Variants in PPM1K observed in about 807,000 individuals in gnomAD.
The protein encoded by PPM1K is protein phosphatase, Mg2+/Mn2+ dependent 1K.
PPM1K carries 19 observed loss-of-function variants against 32.6 expected under a neutral mutation model. The ratio of observed to expected loss-of-function variants is 0.58; its 90% CI spans 0.41 to 0.86. The LOEUF is 0.86. PPM1K is among the 40% of genes least tolerant of loss of function. PPM1K has a pLI of 0.00. For synonymous variants in PPM1K, 159 were observed against 165.3 expected, an observed-to-expected ratio of 0.96 and a Z score of 0.29; for missense variants, 362 against 461.2, an observed-to-expected ratio of 0.78 and a Z score of 1.97.
intron 3 of PPM1K, chr4:88,276,841 G>A: frequency 2.0e-6 from 2 of 1,021,030 alleles, no homozygotes; most frequent in Non-Finnish European, 2.4e-6. Flanking sequence ...CATAAAATAA[G>A]CAAACAGATT....
chr4:88,279,625 G>A (rs1052557323), intron 1 of PPM1K: 1 of 152,184 alleles, frequency 6.6e-6, no homozygotes, highest in African/African-American at 2.4e-5. Flanking sequence ...ACTCCACCCT[G>A]AAACTCAATC....
chr4:88,278,689 G>T lies in PPM1K; in HGVS notation c.-59-47C>A. ...TCACAGGGGACAGAGGGAGAGAGGG[G>T]CAGAGGAGGAGAGGGAGAGAGACAG... On this transcript the variant is annotated intron_variant, in intron 1 of 6. Transcript: ENST00000608933. The surrounding 1 kb of genome is among the most constrained non-coding windows in gnomAD (Gnocchi z 4.2). 1.1e-6 allele frequency: 1 copy of T among 870,216 alleles called. No homozygotes were observed. 53.9% of individuals were successfully genotyped at this position (870,216 alleles called of 1,614,324 possible). A position where few individuals can be genotyped will look rare whatever the true frequency, so the allele number is the denominator to read the frequency against.
chr4:88,264,719 T>A (rs928552823), intron 6 of PPM1K, among the ~76,000 whole-genome samples: 1 of 152,354 alleles, frequency 6.6e-6, no homozygotes, highest in Admixed American at 6.5e-5. Context: ...AGCTAATACA[T>A]ATGAATATTG....
In PPM1K at chr4:88,277,686, C is replaced by T. The variant is rs560629474; in HGVS notation, c.441-443G>A. 1.1e-4 allele frequency: 21 copies of T among 194,692 alleles called. No homozygotes were observed. The South Asian group carries it at 1.4e-3, about 13-fold the overall frequency. The allele number at this position is 194,692 out of a possible 1,614,324, so 12.1% of individuals were successfully genotyped here. ...ATTAATACTAGTTGAAGTAAATAAA[C>T]GGAAGAGCTCCAAAATGCCTGCATT... On this transcript the variant is annotated intron_variant, in intron 2 of 6. Transcript: ENST00000608933.
At chr4:88,263,357 G>C (rs1398119962) in intron 6 of PPM1K, among the ~76,000 whole-genome samples, 5 of 152,218 alleles carry the variant, frequency 3.3e-5, no homozygotes, top group African/African-American at 1.2e-4. Flanking sequence ...GAACATGCTA[G>C]TGTAAATTGG....
At chr4:88,274,689 G>T (rs1329525182) in intron 3 of PPM1K, among the ~76,000 whole-genome samples, 1 of 152,080 alleles carries the variant, frequency 6.6e-6, no homozygotes, top group Non-Finnish European at 1.5e-5. Flanking sequence ...AAAAACTAAA[G>T]TTTTAAACTT....
chr4:88,267,119 G>A (rs1731356703), intron 5 of PPM1K, among the ~76,000 whole-genome samples: 1 of 149,780 alleles, frequency 6.7e-6, no homozygotes, highest in African/African-American at 2.5e-5. Context: ...TGCAGGTGAT[G>A]CTGGCTGATT....
Position 88,275,976 on chromosome 4 carries a change from T to C in PPM1K, c.541+1167A>G, listed in dbSNP as rs191364462. 1.2e-3 allele frequency: 1,189 copies of C among 985,324 alleles called. 2 individuals are homozygous for C. The highest frequency in any genetic ancestry group is 1.2e-3 in the Non-Finnish European group (958 of 829,906). 61.0% of individuals were successfully genotyped at this position (985,324 alleles called of 1,614,324 possible). A position where few individuals can be genotyped will look rare whatever the true frequency, so the allele number is the denominator to read the frequency against. ...TAAATGATCTACAAACTGGAAAACA[T>C]ATCCCTGAAGAGAGTGGACTGTAAT... On this transcript the variant is annotated intron_variant, in intron 3 of 6. Transcript: ENST00000608933.
At chr4:88,276,210 C>T in intron 3 of PPM1K, 3 of 985,458 alleles carry the variant, frequency 3.0e-6, no homozygotes, top group Non-Finnish European at 3.6e-6. Flanking sequence ...TGCAAACAAT[C>T]TCTATCCTTA....
At chr4:88,271,041 A>T in intron 3 of PPM1K, 1 of 517,074 alleles carries the variant, frequency 1.9e-6, no homozygotes, top group South Asian at 1.4e-5. Context: ...AATGGGACAA[A>T]GAGATGTGGG....
At chr4:88,264,707 T>C (rs1578311271) in intron 6 of PPM1K, among the ~76,000 whole-genome samples, 1 of 152,238 alleles carries the variant, frequency 6.6e-6, no homozygotes, top group African/African-American at 2.4e-5. Flanking sequence ...CATACAGTAA[T>C]GAGCTAATAC....
chr4:88,261,395 A>G lies in PPM1K; in HGVS notation c.*1200T>C, dbSNP rs1482037337. Reference sequence around the variant, plus strand: ...CAAATTATTCAATTGCTTACTCTATACAAAAAGTGATATACACATACTATA... The same window carrying G: ...CAAATTATTCAATTGCTTACTCTATGCAAAAAGTGATATACACATACTATA... On this transcript the variant is annotated 3_prime_UTR_variant, in exon 7 of 7. Transcript: ENST00000608933. 6.6e-6 allele frequency: 1 copy of G among 152,230 alleles called. No homozygotes were observed. The highest frequency in any genetic ancestry group is 6.5e-5 in the Admixed American group (1 of 15,278). The allele number at this position is 152,230 out of a possible 1,614,324, so 9.4% of individuals were successfully genotyped here. A position where few individuals can be genotyped will look rare whatever the true frequency, so the allele number is the denominator to read the frequency against.
In PPM1K at chr4:88,261,755, G is replaced by C. The variant is rs1360779559; in HGVS notation, c.*840C>G. Reference sequence around the variant, plus strand: ...CTTGCTGCCCAGGCTGGAGTGCAATGGCATGATCTCAGCTCACTGCAACCC... The same window carrying C: ...CTTGCTGCCCAGGCTGGAGTGCAATCGCATGATCTCAGCTCACTGCAACCC... On this transcript the variant is annotated 3_prime_UTR_variant, in exon 7 of 7. Coordinates refer to ENST00000608933, the MANE Select transcript of PPM1K (RefSeq NM_152542.5). 1.4e-5 allele frequency: 2 copies of C among 145,706 alleles called. No homozygotes were observed. Among genetic ancestry groups the C allele is most frequent in the East Asian group, 4.0e-4 (2 of 5,058 alleles). 9.0% of individuals were successfully genotyped at this position (145,706 alleles called of 1,614,324 possible). A position where few individuals can be genotyped will look rare whatever the true frequency, so the allele number is the denominator to read the frequency against.
In PPM1K at chr4:88,258,175, G is replaced by A. The variant is rs1451226705; in HGVS notation, c.*4420C>T. On this transcript the variant is annotated 3_prime_UTR_variant, in exon 7 of 7. Coordinates refer to ENST00000608933, the MANE Select transcript of PPM1K (RefSeq NM_152542.5). ...ACAGACATGGGTATATGAGAACCAT[G>A]GAGGTGCTAAAGAAAAATAGAAGCA... The A allele has an allele frequency of 6.6e-6, 1 of 152,082 alleles. No individual in the cohort carries two copies. The highest frequency in any genetic ancestry group is 1.5e-5 in the Non-Finnish European group (1 of 68,026). The allele number at this position is 152,082 out of a possible 1,614,324, so 9.4% of individuals were successfully genotyped here.
chr4:88,276,863 A>C, intron 3 of PPM1K: 2 of 1,022,150 alleles, frequency 2.0e-6, no homozygotes, highest in Non-Finnish European at 2.4e-6. Context: ...AACATTTTTA[A>C]AATCTTTTAA....
At chr4:88,275,645 C>T (rs1344868315) in intron 3 of PPM1K, 3 of 985,258 alleles carry the variant, frequency 3.0e-6, no homozygotes, top group Non-Finnish European at 3.6e-6. Context: ...CAGCTATTTA[C>T]AGAACAGCTG....
intron 3 of PPM1K, chr4:88,276,902 C>T (rs1213038840): frequency 2.0e-5 from 17 of 845,878 alleles, no homozygotes; most frequent in African/African-American, 1.2e-4. Flanking sequence ...AGAACTGTTT[C>T]GGGGCTTCTC....
intron 3 of PPM1K, chr4:88,276,255 C>T: frequency 1.0e-6 from 1 of 985,406 alleles, no homozygotes; most frequent in Non-Finnish European, 1.2e-6. Context: ...AATGACATTT[C>T]TGTGGTGCAC....
rs958735469 is a variant in PPM1K, at chr4:88,258,695, G to T, written c.*3900C>A. ...TTCTCTTTTAAGTGTTGGAACAGGG[G>T]AAAGTTCACATTATAGAGTACAAAG... On this transcript the variant is annotated 3_prime_UTR_variant, in exon 7 of 7. Transcript: ENST00000608933. The T allele has an allele frequency of 6.6e-6, 1 of 152,080 alleles. No individual in the cohort carries two copies. Among genetic ancestry groups the T allele is most frequent in the Non-Finnish European group, 1.5e-5 (1 of 68,026 alleles). 9.4% of individuals were successfully genotyped at this position (152,080 alleles called of 1,614,324 possible). A position where few individuals can be genotyped will look rare whatever the true frequency, so the allele number is the denominator to read the frequency against.
Sources: allele counts gnomAD v4.1 joint callset (sites outside exome capture counted in the v4.1 genomes callset), GRCh38; gene constraint gnomAD v4.1.1; non-coding constraint Gnocchi (gnomAD v3.1); transcripts MANE v1.5; gene names NCBI Gene and HGNC (gene_info 2026-07-23, HGNC 2026-07-21).